The following NAA11 variants were observed in gnomAD, a reference collection of about 807,000 sequenced individuals.
The protein encoded by NAA11 is N-alpha-acetyltransferase 11, NatA catalytic subunit.
Under a neutral mutation model 16.1 loss-of-function variants are expected in NAA11, and 15 were observed. That is an observed-to-expected ratio of 0.93 (90% CI 0.62 to 1.44). NAA11 has a LOEUF of 1.44. NAA11 is among the 40% of genes most tolerant of loss of function. NAA11 has a pLI of 0.00. For missense variants in NAA11, 298 were observed against 291.3 expected (o/e 1.02, Z -0.17); for synonymous variants, 122 against 112.4 (o/e 1.09, Z -0.54).
chr4:79,290,281 C>G (rs1339031686), intron 2 of NAA11, among the ~76,000 whole-genome samples: 1 of 152,064 alleles, frequency 6.6e-6, no homozygotes, highest in Non-Finnish European at 1.5e-5. Flanking sequence ...AGATAATATT[C>G]AATCCCAAAT....
At chr4:79,173,568 A>C in the NAA11 span, among the ~76,000 whole-genome samples, 26 of 152,138 alleles carry the variant, frequency 1.7e-4, no homozygotes, top group Non-Finnish European at 3.2e-4. Context: ...AACAACAAAT[A>C]AAGTCTCTAG....
chr4:79,209,699 T>C, the NAA11 span, among the ~76,000 whole-genome samples: 65 of 152,156 alleles, frequency 4.3e-4, no homozygotes, highest in African/African-American at 1.5e-3. Flanking sequence ...AAATTTGAGT[T>C]AAAAATTACA....
intron 2 of NAA11, among the ~76,000 whole-genome samples, chr4:79,291,899 GT>G (rs1723096013): frequency 6.6e-6 from 1 of 152,126 alleles, no homozygotes; most frequent in Non-Finnish European, 1.5e-5. Flanking sequence ...AATTTGAGAT[GT>G]GGGTAGATAA....
chr4:79,238,391 C>G (rs1721617199), intron 2 of NAA11, among the ~76,000 whole-genome samples: 1 of 152,152 alleles, frequency 6.6e-6, no homozygotes, highest in Non-Finnish European at 1.5e-5. Context: ...ATCATTATAA[C>G]TTAAAACTTG....
intron 2 of NAA11, among the ~76,000 whole-genome samples, chr4:79,235,436 A>T (rs1721551675): frequency 6.6e-6 from 1 of 152,162 alleles, no homozygotes; most frequent in South Asian, 2.1e-4. Flanking sequence ...GCAAATACCC[A>T]TATAAACCAA....
chr4:79,206,257 ATTTG>A, the NAA11 span, among the ~76,000 whole-genome samples: 3 of 152,006 alleles, frequency 2.0e-5, no homozygotes, highest in East Asian at 5.8e-4. Flanking sequence ...ATATTTTTCC[ATTTG>A]TTTGTGTCAT....
At chr4:79,294,818 A>G (rs191880752) in intron 1 of NAA11, among the ~76,000 whole-genome samples, 126 of 152,316 alleles carry the variant, frequency 8.3e-4, no homozygotes, top group African/African-American at 2.9e-3. Flanking sequence ...TACAATTTGT[A>G]TACTCTTACT....
At position 79,325,197 on chromosome 4, in the gene NAA11, G is replaced by A. The variant is rs867911144; in HGVS notation, c.681C>T (p.Ser227=). 1 of 1,607,986 alleles carries A rather than the reference G, an allele frequency of 6.2e-7. No homozygotes were observed. The highest frequency in any genetic ancestry group is 8.5e-7 in the Non-Finnish European group (1 of 1,176,868). The change falls in exon 1 of 2, where the codon TCC becomes TCT. Residue 227 remains serine, a synonymous_variant. Transcript: ENST00000286794. ...NVQDSSESSD[S]TS is the part of the protein sequence containing the mutation. ...ATACCTTAAGCATGCTCTAGGAGGT[G>A]GAATCCGAGCTTTCTGAGCTGTCCT... is the stretch of plus-strand genomic sequence containing the variant.
At chr4:79,226,135 C>T (rs1397652419) in exon 3 of NAA11, 5 of 151,984 alleles carry the variant, frequency 3.3e-5, no homozygotes, top group African/African-American at 9.7e-5. Context: ...AATTCTTGAA[C>T]ACTAAGTGAA....
At chr4:79,202,521 TACACACACACACACACAC>T in the NAA11 span, among the ~76,000 whole-genome samples, 16 of 135,240 alleles carry the variant, frequency 1.2e-4, no homozygotes, top group Admixed American at 1.2e-3. Context: ...TAAACTTTTA[TACACACACACACACACAC>T]ACGCACACAC....
chr4:79,318,258 A>G (rs954172389), intron 1 of NAA11, among the ~76,000 whole-genome samples: 6 of 152,212 alleles, frequency 3.9e-5, no homozygotes, highest in African/African-American at 1.2e-4. Context: ...GTCCAACTCT[A>G]TAAGTCATAT....
intron 2 of NAA11, among the ~76,000 whole-genome samples, chr4:79,291,366 G>C (rs1029120113): frequency 1.3e-5 from 2 of 152,114 alleles, no homozygotes; most frequent in Non-Finnish European, 2.9e-5. Flanking sequence ...GGGGGTCTGA[G>C]GCAGGAGGAT....
At chr4:79,219,171 C>T in the NAA11 span, among the ~76,000 whole-genome samples, 1 of 152,050 alleles carries the variant, frequency 6.6e-6, no homozygotes, top group South Asian at 2.1e-4. Flanking sequence ...AGTGTTTTTT[C>T]TCTCCTTCCA....
intron 2 of NAA11, among the ~76,000 whole-genome samples, chr4:79,286,062 T>G (rs910112028): frequency 2.0e-5 from 3 of 152,088 alleles, no homozygotes; most frequent in Admixed American, 6.5e-5. Context: ...TTGTCCTCTT[T>G]CTATTCAACA....
At chr4:79,181,294 A>C in the NAA11 span, among the ~76,000 whole-genome samples, 1 of 151,496 alleles carries the variant, frequency 6.6e-6, no homozygotes, top group South Asian at 2.1e-4. Flanking sequence ...CCATAGGCAA[A>C]GGCAAAGATG....
intron 1 of NAA11, chr4:79,308,921 A>T (rs939523840): frequency 8.5e-5 from 13 of 152,162 alleles, no homozygotes; most frequent in African/African-American, 3.1e-4. Flanking sequence ...AATTGGTCCC[A>T]TGTGTTTCCT....
At chr4:79,260,945 T>C (rs1722233961) in intron 2 of NAA11, among the ~76,000 whole-genome samples, 1 of 152,236 alleles carries the variant, frequency 6.6e-6, no homozygotes, top group African/African-American at 2.4e-5. Context: ...TCTATGGTGT[T>C]ATAAAAACCA....
intron 2 of NAA11, among the ~76,000 whole-genome samples, chr4:79,255,689 G>A (rs531344625): frequency 6.6e-6 from 1 of 152,312 alleles, no homozygotes; most frequent in South Asian, 2.1e-4. Context: ...ACCTGTGATG[G>A]TTCTTGGCTT....
At chr4:79,270,261 G>A (rs1157308166) in intron 2 of NAA11, among the ~76,000 whole-genome samples, 1 of 151,892 alleles carries the variant, frequency 6.6e-6, no homozygotes. Context: ...GTAGCTTGAT[G>A]GAGATGGCAT....
Sources: allele counts gnomAD v4.1 joint callset (sites outside exome capture counted in the v4.1 genomes callset), GRCh38; gene constraint gnomAD v4.1.1; transcripts MANE v1.5; gene names NCBI Gene and HGNC (gene_info 2026-07-23, HGNC 2026-07-21).